The following ERBB4 variants were observed in gnomAD, a reference collection of about 807,000 sequenced individuals.
ERBB4 encodes the protein receptor tyrosine-protein kinase erbB-4.
Under a neutral mutation model 158.0 loss-of-function variants are expected in ERBB4, and 42 were observed. That is an observed-to-expected ratio of 0.27 (90% CI 0.21 to 0.34). The LOEUF is 0.34. Among genes scored for constraint, ERBB4 ranks in the 10% least tolerant of loss-of-function variants. The probability of loss-of-function intolerance (pLI) is 1.00; values close to 1 mark genes in which losing one functional copy is unlikely to be tolerated. For synonymous variants in ERBB4, 583 were observed against 558.7 expected (o/e 1.04, Z -0.61); for missense variants, 1,333 against 1,624.1 (o/e 0.82, Z 3.08).
intron 7 of ERBB4, among the ~76,000 whole-genome samples, chr2:211,714,719 C>A (rs1396276090): frequency 2.6e-5 from 4 of 152,132 alleles, no homozygotes; most frequent in Admixed American, 2.6e-4. Flanking sequence ...TGGGTCAGAC[C>A]TTATAGCCAG....
At chr2:212,398,130 AT>A (rs1283756273) in intron 1 of ERBB4, among the ~76,000 whole-genome samples, 1 of 151,680 alleles carries the variant, frequency 6.6e-6, no homozygotes, top group East Asian at 1.9e-4. Context: ...GTGTATATAT[AT>A]ACACATATAT....
At chr2:212,107,262 CA>C (rs1431335825) in intron 2 of ERBB4, among the ~76,000 whole-genome samples, 26 of 152,180 alleles carry the variant, frequency 1.7e-4, no homozygotes, top group African/African-American at 5.5e-4. Context: ...GATGGGAGCC[CA>C]CCTCTTGCAT....
At chr2:212,035,089 C>T (rs1413795462) in intron 2 of ERBB4, among the ~76,000 whole-genome samples, 3 of 152,140 alleles carry the variant, frequency 2.0e-5, no homozygotes, top group Non-Finnish European at 4.4e-5. Context: ...TAACAGAGAA[C>T]ATAAATCAAT....
intron 25 of ERBB4, among the ~76,000 whole-genome samples, chr2:211,395,259 C>T (rs1171061405): frequency 6.6e-6 from 1 of 152,002 alleles, no homozygotes; most frequent in Non-Finnish European, 1.5e-5. Context: ...GATGATGACT[C>T]ATGAAAATAC....
chr2:211,466,002 G>T (rs1333751046), intron 20 of ERBB4, among the ~76,000 whole-genome samples: 1 of 152,062 alleles, frequency 6.6e-6, no homozygotes, highest in Non-Finnish European at 1.5e-5. Flanking sequence ...TTCCTCCTTT[G>T]TGTTATTAAG....
intron 1 of ERBB4, among the ~76,000 whole-genome samples, chr2:212,388,843 G>T (rs1402004382): frequency 1.3e-5 from 2 of 151,996 alleles, no homozygotes; most frequent in Admixed American, 6.6e-5. Context: ...TTGATGAAAA[G>T]AATTTATTTT....
At chr2:211,876,248 C>T (rs1056339812) in intron 3 of ERBB4, among the ~76,000 whole-genome samples, 1 of 152,062 alleles carries the variant, frequency 6.6e-6, no homozygotes, top group African/African-American at 2.4e-5. Flanking sequence ...TGAGTGTTTC[C>T]TTGCACACGT....
intron 3 of ERBB4, among the ~76,000 whole-genome samples, chr2:211,840,123 C>T (rs182432273): frequency 2.6e-4 from 40 of 152,094 alleles, no homozygotes; most frequent in Middle Eastern, 3.4e-3. Context: ...ATAATTCCCA[C>T]GTGTTGTGGG....
intron 2 of ERBB4, among the ~76,000 whole-genome samples, chr2:211,995,996 A>G (rs960633166): frequency 1.3e-5 from 2 of 152,206 alleles, no homozygotes; most frequent in African/African-American, 4.8e-5. Flanking sequence ...GCCTTAAGGT[A>G]TTCTTGTTTG....
At chr2:211,542,727 A>T (rs949114488) in intron 20 of ERBB4, among the ~76,000 whole-genome samples, 1 of 151,882 alleles carries the variant, frequency 6.6e-6, no homozygotes, top group African/African-American at 2.4e-5. Flanking sequence ...TATATTTAAA[A>T]TACAGATTTC....
intron 1 of ERBB4, among the ~76,000 whole-genome samples, chr2:212,224,599 T>C (rs2083412037): frequency 6.6e-6 from 1 of 151,984 alleles, no homozygotes; most frequent in South Asian, 2.1e-4. Flanking sequence ...AATATGTCTA[T>C]CACACTAATA....
chr2:211,800,659 T>TAAAAA (rs35946148), intron 3 of ERBB4, among the ~76,000 whole-genome samples: 1 of 128,592 alleles, frequency 7.8e-6, no homozygotes. Context: ...AACTGTGCGT[T>TAAAAA]AAAAAAAAAA....
chr2:212,391,457 C>G (rs2090851829), intron 1 of ERBB4, among the ~76,000 whole-genome samples: 1 of 150,560 alleles, frequency 6.6e-6, no homozygotes, highest in East Asian at 1.9e-4. Context: ...GTTCTCTCAT[C>G]AAAGTAAAAC....
intron 1 of ERBB4, among the ~76,000 whole-genome samples, chr2:212,154,404 G>A (rs895529437): frequency 2.0e-5 from 3 of 151,504 alleles, no homozygotes; most frequent in Admixed American, 6.7e-5. Context: ...CACTGGGGAG[G>A]TGTCCTTTGG....
intron 7 of ERBB4, among the ~76,000 whole-genome samples, chr2:211,720,230 G>A (rs1303172870): frequency 6.6e-6 from 1 of 152,198 alleles, no homozygotes; most frequent in African/African-American, 2.4e-5. Flanking sequence ...ATCACAGCAA[G>A]TTTACATTTA....
intron 15 of ERBB4, among the ~76,000 whole-genome samples, chr2:211,659,350 C>T (rs1162336150): frequency 1.3e-5 from 2 of 151,952 alleles, no homozygotes; most frequent in African/African-American, 2.4e-5. Flanking sequence ...AACTAGAGTA[C>T]ATAGCATTAA....
At chr2:212,475,918 T>C (rs1689364932) in intron 1 of ERBB4, among the ~76,000 whole-genome samples, 1 of 152,136 alleles carries the variant, frequency 6.6e-6, no homozygotes, top group South Asian at 2.1e-4. Flanking sequence ...AACTATATTA[T>C]TGTAATGGAC....
intron 2 of ERBB4, among the ~76,000 whole-genome samples, chr2:212,091,355 T>C (rs137912939): frequency 1.6e-4 from 25 of 152,308 alleles, no homozygotes; most frequent in African/African-American, 2.4e-4. Context: ...GAGCTCTTAT[T>C]CTACCAGGCA....
At chr2:212,411,742 T>C (rs781189610) in intron 1 of ERBB4, among the ~76,000 whole-genome samples, 4 of 152,098 alleles carry the variant, frequency 2.6e-5, no homozygotes, top group Non-Finnish European at 5.9e-5. Context: ...CCTTGCACCT[T>C]TGGTTGAGAT....
Sources: gnomAD v4.1 joint callset for allele counts (sites outside exome capture counted in the v4.1 genomes callset) on GRCh38, gnomAD v4.1.1 for gene constraint, MANE v1.5 for transcripts, NCBI Gene and HGNC (gene_info 2026-07-23, HGNC 2026-07-21) for gene names.